The following FXYD1 variants were observed in gnomAD, a reference collection of about 807,000 sequenced individuals.
FXYD1 encodes the protein FXYD domain containing ion transport regulator 1.
FXYD1 carries 9 observed loss-of-function variants against 17.2 expected under a neutral mutation model. That is an observed-to-expected ratio of 0.52 (90% CI 0.32 to 0.91). FXYD1 has a LOEUF of 0.91. Ranked by LOEUF, FXYD1 falls within the 40% of genes least tolerant of loss-of-function variation. The pLI, the probability that FXYD1 is intolerant of heterozygous loss-of-function variation, is 0.04. For synonymous variants in FXYD1, 55 were observed against 45.8 expected, an observed-to-expected ratio of 1.20 and a Z score of -0.81; for missense variants, 113 against 120.6, an observed-to-expected ratio of 0.94 and a Z score of 0.29.
rs1292341080 is a variant in FXYD1 at position 35,139,936 on chromosome 19, T to C, written c.-4-140T>C. ...CCACGAAGCTGGGGATACCCGTTTC[T>C]CTAGCTTGGAGCCACCAAGATAGAG... On this transcript the variant is annotated intron_variant, in intron 1 of 7. Transcript: ENST00000351325. 7.1e-6 allele frequency: 5 copies of C among 703,108 alleles called. No homozygotes were observed. In the South Asian group the frequency reaches 8.4e-5, roughly 12 times the overall value. 43.6% of individuals were successfully genotyped at this position (703,108 alleles called of 1,614,324 possible).
upstream of FXYD1, chr19:35,138,745 T>A (rs1351814966): frequency 7.0e-6 from 1 of 142,784 alleles, no homozygotes; most frequent in Non-Finnish European, 1.5e-5. Context: ...CAGCTGCTGG[T>A]TGGGGAGGGC....
rs114113041 is a variant in FXYD1 at position 35,139,908 on chromosome 19, T to A, written c.-4-168T>A. ...TGGAGGTTGTTTTGGTGACACTGTG[T>A]CCCCACGAAGCTGGGGATACCCGTT... is the stretch of plus-strand genomic sequence containing the variant. On this transcript the variant is annotated intron_variant, in intron 1 of 7. Transcript: ENST00000351325. The A allele has an allele frequency of 4.8e-3, 2,943 of 607,366 alleles. 64 individuals are homozygous for A. Among genetic ancestry groups the A allele is most frequent in the African/African-American group, 0.044 (2,404 of 54,174 alleles). 37.6% of individuals were successfully genotyped at this position (607,366 alleles called of 1,614,324 possible).
intron 1 of FXYD1, chr19:35,139,186 C>A (rs771571956): frequency 1.3e-5 from 2 of 152,318 alleles, no homozygotes; most frequent in African/African-American, 2.4e-5. Context: ...GGATGCCTGA[C>A]GGTGTTTACA....
rs2065259705 is a variant in FXYD1, at chr19:35,141,829, C to G, written c.206+257C>G. On this transcript the variant is annotated intron_variant, in intron 5 of 7. Coordinates refer to ENST00000351325, the MANE Select transcript of FXYD1 (RefSeq NM_021902.4). The stretch of plus-strand genomic sequence containing the variant: ...CCCCACAGATAGAAAAATCACAAAG[C>G]GTGATAACACAAAGTGCAGGAAAGA... 1.3e-5 allele frequency among the ~76,000 whole-genome samples: 2 copies of G among 152,206 alleles called. 1 individual carries two copies. The highest frequency in any genetic ancestry group is 2.9e-5 in the Non-Finnish European group (2 of 68,036).
Position 35,141,140 on chromosome 19 carries a change from T to A in FXYD1, c.103T>A (p.Ser35Thr). The change falls in exon 4 of 8, where the codon TCC (serine) becomes ACC (threonine). Residue 35 changes from serine to threonine, a missense_variant. Coordinates refer to ENST00000351325, the MANE Select transcript of FXYD1 (RefSeq NM_021902.4). ...EHDPFTYDYQ[S>T]LQIGGLVIAG... The stretch of plus-strand genomic sequence containing the variant: ...TGCTCTGCTGCTCACAGACTACCAG[T>A]CCCTGCAGATCGGAGGCCTCGTCAT... 4 of 1,605,748 alleles carry A rather than the reference T, an allele frequency of 2.5e-6. No homozygotes were observed. Among genetic ancestry groups the A allele is most frequent in the Non-Finnish European group, 3.4e-6 (4 of 1,172,974 alleles).
Position 35,140,635 on chromosome 19 carries a change from C to G in FXYD1, c.94+6C>G, listed in dbSNP as rs538719170. The G allele has an allele frequency of 3.7e-6, 6 of 1,612,624 alleles. No homozygotes were observed. The highest frequency in any genetic ancestry group is 5.1e-6 in the Non-Finnish European group (6 of 1,179,104). On this transcript the variant is annotated splice_donor_region_variant and intron_variant, in intron 3 of 7. Transcript: ENST00000351325. ...ACACGACCCGTTCACTTACGGTGAG[C>G]GGGGGGTCTAATTTTGAGTCCTGGG...
At chr19:35,140,694 C>A in intron 3 of FXYD1, 65 bp downstream of exon 3, 1 of 1,345,972 alleles carries the variant, frequency 7.4e-7, no homozygotes, top group Non-Finnish European at 1.1e-6. Flanking sequence ...TTTGATTCCC[C>A]CTCGCCCTCC....
intron 3 of FXYD1, 132 bp from the exon 4 acceptor site, chr19:35,141,000 C>G: frequency 3.1e-6 from 2 of 644,130 alleles, no homozygotes; most frequent in Non-Finnish European, 5.6e-6. Flanking sequence ...ATATCTGCTC[C>G]CCCTTAATTA....
intron 2 of FXYD1, 51 bp downstream of exon 2, chr19:35,140,191 G>C: frequency 9.1e-7 from 1 of 1,100,816 alleles, no homozygotes; most frequent in Non-Finnish European, 1.4e-6. Context: ...AGGGGTGGCG[G>C]TGGGGACCGA....
chr19:35,140,170 ACCTCAG>A, intron 2 of FXYD1, 30 bp downstream of exon 2: 2 of 1,261,082 alleles, frequency 1.6e-6, no homozygotes, highest in Non-Finnish European at 2.3e-6. Context: ...CCCGCTACCC[ACCTCAG>A]CCCCAGGGGT....
chr19:35,141,589 C>G lies in FXYD1; in HGVS notation c.206+17C>G. 1.2e-6 allele frequency: 2 copies of G among 1,600,622 alleles called. No individual in the cohort carries two copies. The highest frequency in any genetic ancestry group is 1.1e-5 in the South Asian group (1 of 89,820). ...GCAGCAGAGGTAAGACGCCCCTCCC[C>G]GCCCTCCTTCGCCCGCTCCTGCTCT... On this transcript the variant is annotated intron_variant, in intron 5 of 7. Coordinates refer to ENST00000351325, the MANE Select transcript of FXYD1 (RefSeq NM_021902.4).
chr19:35,142,310 C>A, intron 5 of FXYD1, 162 bp from the exon 6 acceptor site: 1 of 623,404 alleles, frequency 1.6e-6, no homozygotes, highest in Non-Finnish European at 2.9e-6. Flanking sequence ...ACATAAGCTG[C>A]TCCTGGGTGC....
rs1052699628 is a variant in FXYD1, at chr19:35,142,948, C to A, written c.*61C>A. ...CCTGGCACCTGACATCTCCCACGCT[C>A]CACCTGCGCGCCCACCGCCCCCTCC... On this transcript the variant is annotated 3_prime_UTR_variant, in exon 8 of 8. Transcript: ENST00000351325. 6 of 594,596 alleles carry A rather than the reference C, an allele frequency of 1.0e-5. No homozygotes were observed. The highest frequency in any genetic ancestry group is 7.6e-5 in the African/African-American group (4 of 52,652). The allele number at this position is 594,596 out of a possible 1,614,324, so 36.8% of individuals were successfully genotyped here.
At chr19:35,142,888 C>T in intron 7 of FXYD1, 29 bp from the exon 8 acceptor site, 1 of 749,306 alleles carries the variant, frequency 1.3e-6, no homozygotes, top group East Asian at 2.7e-5. Context: ...GACGTCCCCC[C>T]TCGCCTCTCA....
chr19:35,141,391 C>T (rs1176789076), intron 4 of FXYD1, 145 bp from the exon 5 acceptor site: 26 of 719,666 alleles, frequency 3.6e-5, no homozygotes, highest in Middle Eastern at 3.8e-4. Context: ...GCCTACCCTG[C>T]CTTGGTTCCC....
chr19:35,139,692 C>T, intron 1 of FXYD1: 1 of 197,626 alleles, frequency 5.1e-6, no homozygotes, highest in South Asian at 9.4e-5. Flanking sequence ...GGCATGTAGG[C>T]AGGTGGGACT....
rs77948112 is a variant in FXYD1 at position 35,139,681 on chromosome 19, G to A, written c.-4-395G>A. The A allele has an allele frequency of 8.8e-3, 1,660 of 188,146 alleles. 66 individuals are homozygous for A. The highest frequency in any genetic ancestry group is 0.073 in the Admixed American group (1,295 of 17,622). 11.7% of individuals were successfully genotyped at this position (188,146 alleles called of 1,614,324 possible). A position where few individuals can be genotyped will look rare whatever the true frequency, so the allele number is the denominator to read the frequency against. ...GGATTTCGCGGGGCACAGTGAGGCC[G>A]GGCATGTAGGCAGGTGGGACTTGGG... On this transcript the variant is annotated intron_variant, in intron 1 of 7. Coordinates refer to ENST00000351325, the MANE Select transcript of FXYD1 (RefSeq NM_021902.4).
chr19:35,142,434 C>A (rs74693828), intron 5 of FXYD1, 38 bp from the exon 6 acceptor site: 1 of 1,558,996 alleles, frequency 6.4e-7, no homozygotes, highest in East Asian at 2.3e-5. Context: ...GCCTCTCCCC[C>A]TTTCCATCCC....
At chr19:35,140,749 A>G (rs957665647) in intron 3 of FXYD1, 120 bp downstream of exon 3, 1 of 790,924 alleles carries the variant, frequency 1.3e-6, no homozygotes, top group East Asian at 2.6e-5. Context: ...CCTTCCCTCT[A>G]TTTTGTCCTT....
Sources: allele counts gnomAD v4.1 joint callset (sites outside exome capture counted in the v4.1 genomes callset), GRCh38; gene constraint gnomAD v4.1.1; transcripts MANE v1.5; gene names NCBI Gene and HGNC (gene_info 2026-07-23, HGNC 2026-07-21).